Variants in RNF150 observed in about 807,000 individuals in gnomAD.
RNF150 encodes the protein ring finger protein 150.
In RNF150, 24 loss-of-function variants were observed where a neutral mutation model predicts 39.3. The observed-to-expected ratio is 0.61, with a 90% confidence interval of 0.44 to 0.86. The LOEUF (loss-of-function observed/expected upper bound fraction) is 0.86, where lower values mean the gene tolerates loss of function less well. Ranked by LOEUF, RNF150 falls within the 40% of genes least tolerant of loss-of-function variation. The pLI is 0.00. For missense variants in RNF150, 502 were observed against 587.8 expected, an observed-to-expected ratio of 0.85 and a Z score of 1.51; for synonymous variants, 255 against 227.3, an observed-to-expected ratio of 1.12 and a Z score of -1.10.
Position 141,061,413 on chromosome 4 carries a change from C to T in RNF150, c.484+70912G>A, listed in dbSNP as rs1037464055. On this transcript the variant is annotated intron_variant, in intron 1 of 6. Coordinates refer to ENST00000515673, the MANE Select transcript of RNF150 (RefSeq NM_020724.2). Reference sequence around the variant, plus strand: ...CTTGGAAGCAGAACTCATCAACTAACGCTAAATATTAGCTTCTATTTATGT... The same window carrying T: ...CTTGGAAGCAGAACTCATCAACTAATGCTAAATATTAGCTTCTATTTATGT... 3.9e-5 allele frequency among the ~76,000 whole-genome samples: 6 copies of T among 152,264 alleles called. No homozygotes were observed. The East Asian group carries it at 5.8e-4, about 15-fold the overall frequency.
At chr4:141,206,010 C>G (rs917660034) in intron 1 of RNF150, among the ~76,000 whole-genome samples, 1 of 152,176 alleles carries the variant, frequency 6.6e-6, no homozygotes, top group Non-Finnish European at 1.5e-5. Flanking sequence ...TCCAAATTCA[C>G]TCATGATCAC....
chr4:141,106,898 T>C (rs1350591871), intron 1 of RNF150, among the ~76,000 whole-genome samples: 1 of 152,190 alleles, frequency 6.6e-6, no homozygotes, highest in East Asian at 1.9e-4. Flanking sequence ...TGTTCTAGTC[T>C]AAGAATCAAA....
intron 6 of RNF150, among the ~76,000 whole-genome samples, chr4:140,899,974 C>CTCTCTGTG (rs1365683071): frequency 8.7e-5 from 6 of 69,164 alleles, no homozygotes; most frequent in African/African-American, 2.6e-4. Context: ...CTCTCTCTCT[C>CTCTCTGTG]TGTGTGTGTG....
At chr4:140,942,537 C>T (rs187670212) in intron 4 of RNF150, among the ~76,000 whole-genome samples, 1 of 152,342 alleles carries the variant, frequency 6.6e-6, no homozygotes, top group African/African-American at 2.4e-5. Flanking sequence ...AACACTGCTC[C>T]TTGGTGTATC....
chr4:141,203,664 C>A (rs1728327775), intron 1 of RNF150, among the ~76,000 whole-genome samples: 1 of 151,874 alleles, frequency 6.6e-6, no homozygotes, highest in African/African-American at 2.4e-5. Flanking sequence ...CTTAGGACAA[C>A]CTTCAAGGAA....
intron 6 of RNF150, among the ~76,000 whole-genome samples, chr4:140,891,246 C>T (rs72722321): frequency 0.037 from 5,613 of 152,236 alleles, 107 homozygotes; most frequent in South Asian, 0.05. Context: ...TGTTCTTGAA[C>T]ACATTTGAGC....
intron 1 of RNF150, among the ~76,000 whole-genome samples, chr4:141,089,973 A>C (rs544667347): frequency 4.8e-4 from 73 of 152,292 alleles, no homozygotes; most frequent in African/African-American, 1.6e-3. Flanking sequence ...GCTAGTGCTC[A>C]CGCAATATCT....
At chr4:140,984,236 T>C (rs1014200539) in intron 1 of RNF150, among the ~76,000 whole-genome samples, 1 of 152,160 alleles carries the variant, frequency 6.6e-6, no homozygotes, top group African/African-American at 2.4e-5. Flanking sequence ...GTGATATACC[T>C]TGGCAGATAA....
chr4:140,975,864 T>C (rs1012019646), intron 1 of RNF150, among the ~76,000 whole-genome samples: 3 of 152,184 alleles, frequency 2.0e-5, no homozygotes, highest in Non-Finnish European at 4.4e-5. Context: ...CATGTACCTT[T>C]TGCCTGAGGC....
At chr4:141,091,342 AAGGAACTGT>A (rs1738573024) in intron 1 of RNF150, among the ~76,000 whole-genome samples, 1 of 152,212 alleles carries the variant, frequency 6.6e-6, no homozygotes, top group Admixed American at 6.5e-5. Flanking sequence ...TAGGTTTTAT[AAGGAACTGT>A]AGGAATTTGA....
chr4:141,122,833 T>G (rs1433545623), intron 1 of RNF150, among the ~76,000 whole-genome samples: 1 of 152,248 alleles, frequency 6.6e-6, no homozygotes, highest in Non-Finnish European at 1.5e-5. Context: ...TATTTTCAAA[T>G]GTTTCTATAT....
chr4:141,075,358 C>CCTTG (rs1737856255), intron 1 of RNF150, among the ~76,000 whole-genome samples: 1 of 152,124 alleles, frequency 6.6e-6, no homozygotes, highest in South Asian at 2.1e-4. Flanking sequence ...CTTTGCTGAC[C>CCTTG]CTTGGTCTAC....
chr4:141,064,778 G>A (rs1468818977), intron 1 of RNF150, among the ~76,000 whole-genome samples: 3 of 152,134 alleles, frequency 2.0e-5, no homozygotes, highest in Non-Finnish European at 4.4e-5. Context: ...CCCTTCAAGC[G>A]CTATTTGTTG....
chr4:140,876,256 C>T (rs577637268), intron 6 of RNF150, among the ~76,000 whole-genome samples: 17 of 152,312 alleles, frequency 1.1e-4, no homozygotes, highest in Admixed American at 3.9e-4. Flanking sequence ...CACTTTCAAC[C>T]ACATTGGTTG....
chr4:141,196,870 A>G (rs536611439), intron 1 of RNF150, among the ~76,000 whole-genome samples: 14 of 152,310 alleles, frequency 9.2e-5, no homozygotes, highest in African/African-American at 3.1e-4. Flanking sequence ...TCTGCCTTAG[A>G]GACAAGTTCC....
chr4:141,093,516 AG>A (rs1265442853), intron 1 of RNF150, among the ~76,000 whole-genome samples: 1 of 152,200 alleles, frequency 6.6e-6, no homozygotes, highest in Non-Finnish European at 1.5e-5. Context: ...GTGACAGAAA[AG>A]AAAAATGATC....
intron 1 of RNF150, among the ~76,000 whole-genome samples, chr4:141,147,691 T>C (rs1727225819): frequency 6.6e-6 from 1 of 152,066 alleles, no homozygotes; most frequent in South Asian, 2.1e-4. Flanking sequence ...AGCTCATTCC[T>C]ACAAGGGTAG....
At chr4:141,184,505 A>G (rs1289946613) in intron 1 of RNF150, among the ~76,000 whole-genome samples, 1 of 152,106 alleles carries the variant, frequency 6.6e-6, no homozygotes, top group Non-Finnish European at 1.5e-5. Flanking sequence ...TCTTTGGTTT[A>G]ATTAGACCTC....
At chr4:140,937,017 A>G (rs1311092361) in intron 4 of RNF150, among the ~76,000 whole-genome samples, 1 of 152,120 alleles carries the variant, frequency 6.6e-6, no homozygotes, top group Non-Finnish European at 1.5e-5. Context: ...AATCATTACC[A>G]CCTTTCAGGA....
Sources: allele counts gnomAD v4.1 joint callset (sites outside exome capture counted in the v4.1 genomes callset), GRCh38; gene constraint gnomAD v4.1.1; transcripts MANE v1.5; gene names NCBI Gene and HGNC (gene_info 2026-07-23, HGNC 2026-07-21).